KIF14: variants seen among roughly 807,000 people sequenced by gnomAD.
KIF14 encodes the protein kinesin-like protein KIF14.
In KIF14, 98 loss-of-function variants were observed where a neutral mutation model predicts 176.2. The ratio of observed to expected loss-of-function variants is 0.56; its 90% CI spans 0.47 to 0.66. The LOEUF is 0.66. Ranked by LOEUF, KIF14 falls within the 30% of genes least tolerant of loss-of-function variation. The pLI is 0.00. For synonymous variants in KIF14, 566 were observed against 632.2 expected (o/e 0.90, Z 1.57); for missense variants, 1,751 against 1,920.4 (o/e 0.91, Z 1.65).
In KIF14 at chr1:200,553,366, A is replaced by T. The variant is rs199771229; in HGVS notation, c.*22T>A. The T allele has an allele frequency of 6.5e-7, 1 of 1,543,370 alleles. No individual in the cohort carries two copies. The highest frequency in any genetic ancestry group is 2.3e-5 in the East Asian group (1 of 44,072). On this transcript the variant is annotated 3_prime_UTR_variant, in exon 30 of 30. Transcript: ENST00000367350. ...TTCTTTTTCTTTCATGGGTGGTCAT[A>T]AAAGTGCCTACACATCAGTATTCAC...
chr1:200,562,451 G>C (rs1657216127), intron 25 of KIF14, among the ~76,000 whole-genome samples: 1 of 152,216 alleles, frequency 6.6e-6, no homozygotes, highest in Admixed American at 6.5e-5. Flanking sequence ...AGAAACAGGA[G>C]ACTCAAAAAT....
intron 27 of KIF14, among the ~76,000 whole-genome samples, chr1:200,555,903 C>T (rs561362246): frequency 1.3e-5 from 2 of 151,780 alleles, no homozygotes; most frequent in Admixed American, 1.3e-4. Flanking sequence ...ATATGGACAC[C>T]CTCTAATATT....
At chr1:200,601,556 T>C (rs1659625820) in intron 11 of KIF14, among the ~76,000 whole-genome samples, 1 of 152,198 alleles carries the variant, frequency 6.6e-6, no homozygotes, top group Non-Finnish European at 1.5e-5. Context: ...ACATAAAACG[T>C]CAATGGAAGA....
At chr1:200,570,950 C>A (rs1206211957) in intron 22 of KIF14, among the ~76,000 whole-genome samples, 1 of 152,160 alleles carries the variant, frequency 6.6e-6, no homozygotes, top group African/African-American at 2.4e-5. Flanking sequence ...CTATTATTCA[C>A]TTCTTTGTGT....
rs554812901 is a variant in KIF14, at chr1:200,588,048, A to G, written c.3114+1169T>C. Among the ~76,000 whole-genome samples the G allele has an allele frequency of 4.6e-5, 7 of 152,208 alleles. No homozygotes were observed. In the South Asian group the frequency reaches 1.2e-3, roughly 27 times the overall value. On this transcript the variant is annotated intron_variant, in intron 18 of 29. Coordinates refer to ENST00000367350, the MANE Select transcript of KIF14 (RefSeq NM_014875.3). ...CTGACCCCACAAACTTGGAAAAAAGAGAAATAAAATTGCCATTTGAGAGAG... is the reference window on the plus strand; with the variant it reads ...CTGACCCCACAAACTTGGAAAAAAGGGAAATAAAATTGCCATTTGAGAGAG...
intron 28 of KIF14, 118 bp downstream of exon 28, chr1:200,555,262 A>G: frequency 4.7e-6 from 3 of 640,246 alleles, no homozygotes; most frequent in Non-Finnish European, 8.2e-6. Context: ...ACAATTAGAC[A>G]TATACAAAAG....
At chr1:200,583,826 C>T (rs1187412299) in intron 19 of KIF14, among the ~76,000 whole-genome samples, 1 of 151,750 alleles carries the variant, frequency 6.6e-6, no homozygotes, top group Admixed American at 6.6e-5. Context: ...CCTGTAATCC[C>T]AGCTACTCAG....
At chr1:200,577,082 G>A (rs1269550761) in intron 21 of KIF14, among the ~76,000 whole-genome samples, 4 of 151,594 alleles carry the variant, frequency 2.6e-5, no homozygotes, top group Non-Finnish European at 4.4e-5. Flanking sequence ...GGCTGAGGCA[G>A]GCAGATCACC....
At position 200,553,488 on chromosome 1, in the gene KIF14, C is replaced by G. The variant is rs1195571618; in HGVS notation, c.4847G>C (p.Ser1616Thr). ...QQSKSSGIDG[S>T]KNKGVPKRVY... Reference sequence around the variant, plus strand: ...ACGCTTTGGTACACCTTTATTCTTACTGCCGTCAATCCCGCTTGATTTAGA... The same window carrying G: ...ACGCTTTGGTACACCTTTATTCTTAGTGCCGTCAATCCCGCTTGATTTAGA... The change falls in exon 30 of 30, where the codon AGT becomes ACT. Residue 1616 changes from serine (S) to threonine (T), a missense_variant. Coordinates refer to ENST00000367350, the MANE Select transcript of KIF14 (RefSeq NM_014875.3). 1 of 1,613,906 alleles carries G rather than the reference C, an allele frequency of 6.2e-7. No homozygotes were observed. Among genetic ancestry groups the G allele is most frequent in the Admixed American group, 1.7e-5 (1 of 59,972 alleles).
rs1253010725 is a variant in KIF14, at chr1:200,620,674, C to T, written c.-379G>A. The T allele has an allele frequency of 2.0e-5, 3 of 152,382 alleles. No homozygotes were observed. The allele number at this position is 152,382 out of a possible 1,614,324, so 9.4% of individuals were successfully genotyped here. ...TTCGCCCCTCCGCAGGGTCCGGCAC[C>T]TTGGGGACCCCCTCGACACAGTCCC... On this transcript the variant is annotated 5_prime_UTR_variant, in exon 1 of 30. Coordinates refer to ENST00000367350, the MANE Select transcript of KIF14 (RefSeq NM_014875.3).
chr1:200,567,187 C>G (rs1000204222), intron 23 of KIF14, among the ~76,000 whole-genome samples: 6 of 147,518 alleles, frequency 4.1e-5, no homozygotes, highest in African/African-American at 1.5e-4. Flanking sequence ...AAAAAAAAAC[C>G]ATAATGTCTC....
Position 200,615,451 on chromosome 1 carries a change from T to A in KIF14, c.1271A>T (p.Tyr424Phe). 1 of 1,614,148 alleles carries A rather than the reference T, an allele frequency of 6.2e-7. No homozygotes were observed. The highest frequency in any genetic ancestry group is 2.2e-5 in the East Asian group (1 of 44,878). ...TAGGAGTGGTGCTGCTAGCTTCTCA[T>A]AGACAGTTGTCTGGCTAGCGTAGTG... The part of the protein sequence containing the change: ...HPHYASQTTV[Y>F]EKLAAPLLER... The change falls in exon 3 of 30, where the codon TAT becomes TTT. Residue 424 changes from tyrosine to phenylalanine, a missense_variant. Coordinates refer to ENST00000367350, the MANE Select transcript of KIF14 (RefSeq NM_014875.3).
Position 200,553,676 on chromosome 1 carries a change from A to C in KIF14, c.4659T>G (p.Ser1553=), listed in dbSNP as rs1656677996. The change falls in exon 30 of 30, where the codon TCT becomes TCG. Residue 1553 remains serine (S), a synonymous_variant. Coordinates refer to ENST00000367350, the MANE Select transcript of KIF14 (RefSeq NM_014875.3). Reference sequence around the variant, plus strand: ...TACTCTCATAGCTGCCAACAGAAGTAGAAGGCACACTGAAGTCACTGTAAA... The same window carrying C: ...TACTCTCATAGCTGCCAACAGAAGTCGAAGGCACACTGAAGTCACTGTAAA... The part of the protein sequence containing the change: ...SDFYSDFSVP[S]TSVGSYESRV... The C allele has an allele frequency of 1.9e-6, 3 of 1,614,050 alleles. No individual in the cohort carries two copies. The highest frequency in any genetic ancestry group is 8.5e-7 in the Non-Finnish European group (1 of 1,179,914).
At chr1:200,586,794 T>TATATATATATATATATATACAC (rs1553257540) in intron 18 of KIF14, among the ~76,000 whole-genome samples, 10 of 22,504 alleles carry the variant, frequency 4.4e-4, no homozygotes, top group Non-Finnish European at 7.1e-4. Context: ...TACATACATA[T>TATATATATATATATATATACAC]ATATATATAT....
chr1:200,581,263 TGA>T lies in KIF14; in HGVS notation c.3271_3272del (p.Ser1091AsnfsTer23), dbSNP rs1658437276. On this transcript the variant is annotated frameshift_variant, in exon 20 of 30. Coordinates refer to ENST00000367350, the MANE Select transcript of KIF14 (RefSeq NM_014875.3). LOFTEE classifies it high-confidence loss of function. Reference sequence around the variant, plus strand: ...TAGCATTGGCTTCCTGAATCATCATTGAGAGTTTCATAGAGCTCCAAGTTGTC... The same window carrying T: ...TAGCATTGGCTTCCTGAATCATCATTGAGTTTCATAGAGCTCCAAGTTGTC... ...VQTTWSSMKL[S>X]MMIQEANAIS... The T allele has an allele frequency of 6.2e-7, 1 of 1,605,890 alleles. No homozygotes were observed. Among genetic ancestry groups the T allele is most frequent in the Non-Finnish European group, 8.5e-7 (1 of 1,176,874 alleles).
At chr1:200,567,279 C>T (rs532353074) in intron 23 of KIF14, among the ~76,000 whole-genome samples, 5 of 151,892 alleles carry the variant, frequency 3.3e-5, no homozygotes, top group Admixed American at 2.0e-4. Context: ...CGGTGGCTCA[C>T]GCCTATAATC....
At chr1:200,573,853 C>A (rs1338999972) in intron 22 of KIF14, among the ~76,000 whole-genome samples, 1 of 152,126 alleles carries the variant, frequency 6.6e-6, no homozygotes, top group African/African-American at 2.4e-5. Flanking sequence ...TGATCTGCAG[C>A]TGAAGGCAAT....
At chr1:200,590,098 A>T (rs1270345047) in intron 17 of KIF14, 27 bp downstream of exon 17, 1 of 1,587,378 alleles carries the variant, frequency 6.3e-7, no homozygotes, top group South Asian at 1.1e-5. Flanking sequence ...GTCGGAAAAA[A>T]AAAATAAAAC....
intron 2 of KIF14, 85 bp from the exon 3 acceptor site, chr1:200,615,694 CTATT>C: frequency 2.6e-6 from 3 of 1,134,740 alleles, no homozygotes; most frequent in Non-Finnish European, 3.7e-6. Context: ...TACCTCAAAA[CTATT>C]TAAACAATCT....
Sources: allele counts gnomAD v4.1 joint callset (sites outside exome capture counted in the v4.1 genomes callset), GRCh38; gene constraint gnomAD v4.1.1; transcripts MANE v1.5; gene names NCBI Gene and HGNC (gene_info 2026-07-23, HGNC 2026-07-21).